DOK6: variants seen among roughly 807,000 people sequenced by gnomAD.
DOK6 encodes downstream of tyrosine kinase 6.
In DOK6, 22 loss-of-function variants were observed where a neutral mutation model predicts 44.0. The ratio of observed to expected loss-of-function variants is 0.50; its 90% confidence interval spans 0.36 to 0.71. DOK6 has a LOEUF of 0.71. Among genes scored for constraint, DOK6 ranks in the 30% least tolerant of loss-of-function variants. The pLI is 0.00. For synonymous variants in DOK6, 166 were observed against 145.5 expected, an observed-to-expected ratio of 1.14 and a Z score of -1.01; for missense variants, 340 against 416.4, an observed-to-expected ratio of 0.82 and a Z score of 1.60.
chr18:69,425,444 C>A (rs903093101), intron 1 of DOK6, among the ~76,000 whole-genome samples: 1 of 151,764 alleles, frequency 6.6e-6, no homozygotes, highest in Non-Finnish European at 1.5e-5. Context: ...CTTAATATAC[C>A]CTTTTTCCCT....
intron 3 of DOK6, among the ~76,000 whole-genome samples, chr18:69,641,013 C>T (rs1394294516): frequency 2.6e-5 from 4 of 151,868 alleles, no homozygotes; most frequent in South Asian, 2.1e-4. Context: ...GGAGATCGAT[C>T]GAGACCATCC....
Position 69,696,324 on chromosome 18 carries a change from T to C in DOK6, c.410-2080T>C, listed in dbSNP as rs140500841. The stretch of plus-strand genomic sequence containing the variant: ...TACCATCCACTGGAAGGACACTCAA[T>C]GTCAAGATCTTTTTTTAAACATTCT... On this transcript the variant is annotated intron_variant, in intron 4 of 7. Transcript: ENST00000382713. Among the ~76,000 whole-genome samples the C allele has an allele frequency of 4.3e-4, 66 of 152,318 alleles. 1 individual carries two copies. The highest frequency in any genetic ancestry group is 1.4e-3 in the African/African-American group (60 of 41,576).
chr18:69,681,939 G>A (rs1986054890), intron 4 of DOK6, among the ~76,000 whole-genome samples: 1 of 152,108 alleles, frequency 6.6e-6, no homozygotes. Flanking sequence ...AAAAATAATG[G>A]AACCTCAGAC....
chr18:69,449,504 G>T (rs1979394725), intron 1 of DOK6, among the ~76,000 whole-genome samples: 1 of 152,156 alleles, frequency 6.6e-6, no homozygotes. Context: ...TAATTTAATA[G>T]CAAAACTTTA....
chr18:69,651,791 C>G (rs1985235595), intron 3 of DOK6, among the ~76,000 whole-genome samples: 1 of 151,968 alleles, frequency 6.6e-6, no homozygotes, highest in African/African-American at 2.4e-5. Flanking sequence ...CCAGCCCCAT[C>G]AGCCCCCTTT....
chr18:69,552,395 A>G (rs1982587571), intron 1 of DOK6, among the ~76,000 whole-genome samples: 1 of 152,044 alleles, frequency 6.6e-6, no homozygotes, highest in Non-Finnish European at 1.5e-5. Context: ...AATTTATATT[A>G]TCTATGTTTG....
At chr18:69,437,095 A>G (rs912637400) in intron 1 of DOK6, among the ~76,000 whole-genome samples, 2 of 152,076 alleles carry the variant, frequency 1.3e-5, no homozygotes, top group Non-Finnish European at 2.9e-5. Flanking sequence ...ATTTTCTCCC[A>G]TTCTGTAGGT....
chr18:69,787,904 CT>C (rs1980480067), intron 7 of DOK6, among the ~76,000 whole-genome samples: 1 of 152,198 alleles, frequency 6.6e-6, no homozygotes, highest in Non-Finnish European at 1.5e-5. Context: ...TATATATGCA[CT>C]TTAGACTAAA....
intron 2 of DOK6, among the ~76,000 whole-genome samples, 179 bp downstream of exon 2, chr18:69,564,773 C>T (rs1267960073): frequency 2.6e-5 from 4 of 152,136 alleles, no homozygotes; most frequent in African/African-American, 7.2e-5. Context: ...AATGCCAGTG[C>T]TACCTCTGTG....
At chr18:69,515,894 A>G (rs34211002) in intron 1 of DOK6, among the ~76,000 whole-genome samples, 62,461 of 151,988 alleles carry the variant, frequency 0.41, 13,674 homozygotes, top group Non-Finnish European at 0.49. Context: ...GCATGCAAAC[A>G]GATCTGAATT....
intron 2 of DOK6, among the ~76,000 whole-genome samples, chr18:69,585,348 A>C (rs1983474295): frequency 6.6e-6 from 1 of 152,036 alleles, no homozygotes; most frequent in African/African-American, 2.4e-5. Flanking sequence ...ATAGGATATA[A>C]TTTGTATAAT....
chr18:69,669,680 C>T (rs4468723), intron 3 of DOK6, among the ~76,000 whole-genome samples: 117,789 of 151,816 alleles, frequency 0.78, 46,039 homozygotes, highest in East Asian at 0.97. Context: ...ACCCCCCCGC[C>T]GACCCTCCTG....
chr18:69,443,809 G>A (rs1277879829), intron 1 of DOK6, among the ~76,000 whole-genome samples: 2 of 152,030 alleles, frequency 1.3e-5, no homozygotes, highest in East Asian at 1.9e-4. Context: ...TTGCTCCTGC[G>A]TTTTGCTAGG....
At chr18:69,840,111 G>A (rs72953871) in intron 7 of DOK6, among the ~76,000 whole-genome samples, 1,630 of 152,288 alleles carry the variant, frequency 0.011, 15 homozygotes, top group Middle Eastern at 0.02. Flanking sequence ...AACACACCTG[G>A]CAATAGAACA....
At chr18:69,738,471 T>TA (rs995725154) in intron 5 of DOK6, among the ~76,000 whole-genome samples, 29 of 151,966 alleles carry the variant, frequency 1.9e-4, no homozygotes, top group African/African-American at 6.3e-4. Flanking sequence ...TTTTCCTAAT[T>TA]AAAAAAAATG....
chr18:69,408,300 T>C (rs1292415290), intron 1 of DOK6, among the ~76,000 whole-genome samples: 1 of 152,180 alleles, frequency 6.6e-6, no homozygotes, highest in Non-Finnish European at 1.5e-5. Flanking sequence ...GTTATTTAGA[T>C]TGCAGACAAA....
At chr18:69,406,546 A>G (rs1916209565) in intron 1 of DOK6, among the ~76,000 whole-genome samples, 2 of 152,222 alleles carry the variant, frequency 1.3e-5, no homozygotes, top group Non-Finnish European at 2.9e-5. Context: ...TGATAGATTT[A>G]CAGATGACTG....
At chr18:69,565,836 AT>A (rs1382661762) in intron 2 of DOK6, among the ~76,000 whole-genome samples, 1 of 152,224 alleles carries the variant, frequency 6.6e-6, no homozygotes, top group Non-Finnish European at 1.5e-5. Flanking sequence ...AACAGCCAGC[AT>A]AATACTTCTC....
chr18:69,551,699 T>A (rs577607408), intron 1 of DOK6, among the ~76,000 whole-genome samples: 70 of 152,158 alleles, frequency 4.6e-4, no homozygotes, highest in Non-Finnish European at 7.8e-4. Flanking sequence ...GTAAAGAAAA[T>A]CACTGTTATT....
Sources: allele counts gnomAD v4.1 joint callset (sites outside exome capture counted in the v4.1 genomes callset), GRCh38; gene constraint gnomAD v4.1.1; transcripts MANE v1.5; gene names NCBI Gene and HGNC (gene_info 2026-07-23, HGNC 2026-07-21).